PDE4D: variants seen among roughly 807,000 people sequenced by gnomAD.
PDE4D encodes the protein 3',5'-cyclic-AMP phosphodiesterase 4D.
A neutral mutation model predicts 87.4 loss-of-function variants in PDE4D; 24 were observed. That is an observed-to-expected ratio of 0.27 (90% CI 0.20 to 0.39). The LOEUF is 0.39. Ranked by LOEUF, PDE4D falls within the 10% of genes least tolerant of loss-of-function variation. The pLI, the probability that PDE4D is intolerant of heterozygous loss-of-function variation, is 1.00. For missense variants in PDE4D, 714 were observed against 1,041.0 expected, an observed-to-expected ratio of 0.69 and a Z score of 4.32; for synonymous variants, 384 against 383.2, an observed-to-expected ratio of 1.00 and a Z score of -0.02.
At chr5:60,013,140 C>T (rs796697362) in intron 2 of PDE4D, among the ~76,000 whole-genome samples, 8 of 152,180 alleles carry the variant, frequency 5.3e-5, no homozygotes, top group African/African-American at 1.9e-4. Context: ...TTTTGGACCC[C>T]GTATAATCCT....
intron 3 of PDE4D, among the ~76,000 whole-genome samples, chr5:59,942,498 A>G (rs1427146816): frequency 6.6e-6 from 1 of 152,184 alleles, no homozygotes; most frequent in Non-Finnish European, 1.5e-5. Context: ...CAGTGAGAGA[A>G]TATGGTAAGA....
chr5:59,778,019 G>T (rs1229466672), intron 1 of PDE4D, among the ~76,000 whole-genome samples: 1 of 152,052 alleles, frequency 6.6e-6, no homozygotes, highest in Non-Finnish European at 1.5e-5. Context: ...TAAACTTTAA[G>T]ACTTATAGAC....
chr5:60,309,079 T>C (rs1040763109), intron 1 of PDE4D, among the ~76,000 whole-genome samples: 8 of 152,186 alleles, frequency 5.3e-5, no homozygotes, highest in African/African-American at 1.7e-4. Context: ...TAGTTTACTC[T>C]GAGTTCTTGG....
At chr5:59,388,527 T>A (rs1787556840) in intron 1 of PDE4D, among the ~76,000 whole-genome samples, 1 of 152,006 alleles carries the variant, frequency 6.6e-6, no homozygotes, top group Non-Finnish European at 1.5e-5. Flanking sequence ...GTCAAAAAGA[T>A]ATTTGCACTC....
intron 1 of PDE4D, among the ~76,000 whole-genome samples, chr5:60,311,709 CAT>C (rs1755056282): frequency 1.3e-5 from 2 of 152,186 alleles, no homozygotes; most frequent in African/African-American, 2.4e-5. Context: ...CAACTCCACA[CAT>C]GTCAATGTTA....
At chr5:59,504,543 T>C (rs1211684649) in intron 1 of PDE4D, among the ~76,000 whole-genome samples, 1 of 152,178 alleles carries the variant, frequency 6.6e-6, no homozygotes, top group Non-Finnish European at 1.5e-5. Context: ...TCTGTTCTCA[T>C]ACAATTTAAT....
chr5:59,161,380 T>C (rs1472413228), intron 5 of PDE4D, among the ~76,000 whole-genome samples: 10 of 152,288 alleles, frequency 6.6e-5, no homozygotes, highest in African/African-American at 1.7e-4. Context: ...GGGGAGGGCT[T>C]CGAGGTCACA....
chr5:60,504,915 C>T (rs1025722325), intron 1 of PDE4D, among the ~76,000 whole-genome samples: 2 of 152,160 alleles, frequency 1.3e-5, no homozygotes, highest in Middle Eastern at 3.2e-3. Flanking sequence ...CCTCCCCCAA[C>T]AAAAGCATAA....
At chr5:59,682,184 G>A (rs1443095096) in intron 1 of PDE4D, among the ~76,000 whole-genome samples, 1 of 152,122 alleles carries the variant, frequency 6.6e-6, no homozygotes, top group Non-Finnish European at 1.5e-5. Context: ...GGATTCCAAA[G>A]CTATTGGGTA....
intron 1 of PDE4D, among the ~76,000 whole-genome samples, chr5:59,828,905 G>T (rs1770649181): frequency 6.6e-6 from 1 of 152,056 alleles, no homozygotes; most frequent in African/African-American, 2.4e-5. Context: ...ATTCATGGCG[G>T]CTGTCTGGAG....
intron 1 of PDE4D, among the ~76,000 whole-genome samples, chr5:60,324,742 A>T (rs1756621343): frequency 6.6e-6 from 1 of 152,246 alleles, no homozygotes; most frequent in African/African-American, 2.4e-5. Context: ...ACCAGGGACA[A>T]ATTACTTAGC....
At chr5:60,347,087 T>C (rs1217122168) in intron 1 of PDE4D, among the ~76,000 whole-genome samples, 3 of 152,012 alleles carry the variant, frequency 2.0e-5, no homozygotes, top group Admixed American at 6.6e-5. Context: ...AACAGGGTGA[T>C]GGGTTAGAAT....
intron 2 of PDE4D, among the ~76,000 whole-genome samples, chr5:60,173,946 G>C (rs1259688879): frequency 2.0e-5 from 3 of 152,114 alleles, no homozygotes; most frequent in Admixed American, 1.3e-4. Flanking sequence ...AGCTGAGGAA[G>C]GTTCCCAGGG....
chr5:58,969,402 C>A lies in PDE4D; in HGVS notation c.*5262G>T, dbSNP rs1026361788. On this transcript the variant is annotated 3_prime_UTR_variant, in exon 15 of 15. Coordinates refer to ENST00000340635, the MANE Select transcript of PDE4D (RefSeq NM_001104631.2). Reference sequence around the variant, plus strand: ...ACTCTCTCACTTTTCCTCAGTTTCTCCAGATGTCTCAAGCTCATTTATGCC... The same window carrying A: ...ACTCTCTCACTTTTCCTCAGTTTCTACAGATGTCTCAAGCTCATTTATGCC... 1 of 152,234 alleles carries A rather than the reference C, an allele frequency of 6.6e-6. No individual in the cohort carries two copies. The highest frequency in any genetic ancestry group is 2.4e-5 in the African/African-American group (1 of 41,456). 9.4% of individuals were successfully genotyped at this position (152,234 alleles called of 1,614,324 possible).
At chr5:59,681,139 T>TA (rs1195914523) in intron 1 of PDE4D, among the ~76,000 whole-genome samples, 1 of 152,044 alleles carries the variant, frequency 6.6e-6, no homozygotes, top group African/African-American at 2.4e-5. Flanking sequence ...AAGGCTTGGA[T>TA]AAAAGAACAA....
intron 1 of PDE4D, among the ~76,000 whole-genome samples, chr5:59,269,494 G>C (rs16889508): frequency 2.0e-5 from 3 of 151,964 alleles, no homozygotes; most frequent in African/African-American, 7.2e-5. Context: ...CATTACCTAC[G>C]AGTTTATCCC....
At chr5:59,077,117 T>C (rs914657377) in intron 5 of PDE4D, among the ~76,000 whole-genome samples, 4 of 152,172 alleles carry the variant, frequency 2.6e-5, no homozygotes, top group Non-Finnish European at 4.4e-5. Context: ...AACCTCTCTC[T>C]GGTCTCAAGT....
chr5:58,978,602 G>A (rs995019276), intron 11 of PDE4D, among the ~76,000 whole-genome samples: 5 of 151,972 alleles, frequency 3.3e-5, no homozygotes, highest in South Asian at 2.1e-4. Flanking sequence ...GAGAGGAGAG[G>A]CTTAAGACAT....
chr5:58,998,324 G>T (rs1262322589), intron 6 of PDE4D, among the ~76,000 whole-genome samples: 1 of 152,054 alleles, frequency 6.6e-6, no homozygotes, highest in Non-Finnish European at 1.5e-5. Flanking sequence ...GTACAAATGT[G>T]AAGCCCTTCA....
Sources: allele counts gnomAD v4.1 joint callset (sites outside exome capture counted in the v4.1 genomes callset), GRCh38; gene constraint gnomAD v4.1.1; transcripts MANE v1.5; gene names NCBI Gene and HGNC (gene_info 2026-07-23, HGNC 2026-07-21).